PTPRJ: variants seen among roughly 807,000 people sequenced by gnomAD.
PTPRJ encodes the protein protein tyrosine phosphatase receptor type J.
PTPRJ carries 129 observed loss-of-function variants against 141.3 expected under a neutral mutation model. The ratio of observed to expected loss-of-function variants is 0.91; its 90% CI spans 0.79 to 1.06. The LOEUF is 1.06. PTPRJ is among the 50% of genes least tolerant of loss of function. The pLI, the probability that PTPRJ is intolerant of heterozygous loss-of-function variation, is 0.00. For synonymous variants in PTPRJ, 610 were observed against 640.5 expected, an observed-to-expected ratio of 0.95 and a Z score of 0.72; for missense variants, 1,601 against 1,679.7, an observed-to-expected ratio of 0.95 and a Z score of 0.82.
At chr11:48,060,115 C>G (rs1471071286) in intron 1 of PTPRJ, among the ~76,000 whole-genome samples, 1 of 152,158 alleles carries the variant, frequency 6.6e-6, no homozygotes, top group Non-Finnish European at 1.5e-5. Context: ...TAATACATCA[C>G]ACTTTCGAAA....
chr11:48,168,261 T>C lies in PTPRJ; in HGVS notation c.*899T>C, dbSNP rs955767041. The C allele has an allele frequency of 4.6e-5, 7 of 152,174 alleles. No individual in the cohort carries two copies. Among genetic ancestry groups the C allele is most frequent in the African/African-American group, 1.4e-4 (6 of 41,516 alleles). The allele number at this position is 152,174 out of a possible 1,614,324, so 9.4% of individuals were successfully genotyped here. ...GTGGCAGAAATCCTTTTCTTGTCCC[T>C]GTATTATCCTTTTTCTCATGTCTGT... On this transcript the variant is annotated 3_prime_UTR_variant, in exon 25 of 25. Coordinates refer to ENST00000418331, the MANE Select transcript of PTPRJ (RefSeq NM_002843.4).
At chr11:47,988,961 G>A (rs1474593286) in intron 1 of PTPRJ, among the ~76,000 whole-genome samples, 2 of 132,958 alleles carry the variant, frequency 1.5e-5, no homozygotes, top group African/African-American at 2.9e-5. Flanking sequence ...TGGGCTCACT[G>A]CAAGCTCCGC....
At chr11:48,023,429 G>T (rs1853712068) in intron 1 of PTPRJ, among the ~76,000 whole-genome samples, 3 of 152,144 alleles carry the variant, frequency 2.0e-5, no homozygotes, top group Admixed American at 2.0e-4. Flanking sequence ...TTCTCAGGAT[G>T]AATCTTTGGC....
At position 48,136,265 on chromosome 11, in the gene PTPRJ, G is replaced by C. The variant is rs145299506; in HGVS notation, c.1842G>C (p.Trp614Cys). 1.9e-6 allele frequency: 3 copies of C among 1,614,022 alleles called. No homozygotes were observed. The African/African-American group carries it at 4.0e-5, about 22-fold the overall frequency. ...ITISPEVDHVWGDPNSTAQYT... is the reference protein window; with the variant it reads ...ITISPEVDHVCGDPNSTAQYT... ...TCTCTCCAGAAGTGGACCACGTCTGGGGGGACCCCAACTCCACTGCACAGT... is the reference window on the plus strand; with the variant it reads ...TCTCTCCAGAAGTGGACCACGTCTGCGGGGACCCCAACTCCACTGCACAGT... Residue 614 changes from tryptophan (W) to cysteine (C), a missense_variant, in exon 9 of 25, where the codon TGG (tryptophan) becomes TGC (cysteine). By Grantham distance (215) the Trp-to-Cys change is radical. Transcript: ENST00000418331.
At chr11:48,143,331 G>A (rs1857277585) in intron 12 of PTPRJ, among the ~76,000 whole-genome samples, 1 of 152,212 alleles carries the variant, frequency 6.6e-6, no homozygotes, top group Non-Finnish European at 1.5e-5. Context: ...AGTCACAGAA[G>A]ATACAGAAGG....
chr11:47,991,516 C>G (rs1476286844), intron 1 of PTPRJ, among the ~76,000 whole-genome samples: 1 of 152,172 alleles, frequency 6.6e-6, no homozygotes, highest in Non-Finnish European at 1.5e-5. Flanking sequence ...GTTTCCACGG[C>G]AGCAAGGTGA....
intron 1 of PTPRJ, among the ~76,000 whole-genome samples, chr11:48,049,514 C>CCAAAACAAAACAAAA (rs1565276216): frequency 2.9e-4 from 37 of 127,392 alleles, no homozygotes; most frequent in African/African-American, 1.2e-3. Context: ...CCCGTCTCTA[C>CCAAAACAAAACAAAA]TAAAACAAAA....
intron 1 of PTPRJ, among the ~76,000 whole-genome samples, chr11:48,081,364 A>C (rs1855553011): frequency 6.6e-6 from 1 of 152,210 alleles, no homozygotes. Context: ...CCAGTCAGGC[A>C]GAAGGGAACT....
At chr11:48,097,229 A>G (rs1856029982) in intron 1 of PTPRJ, among the ~76,000 whole-genome samples, 1 of 152,170 alleles carries the variant, frequency 6.6e-6, no homozygotes, top group South Asian at 2.1e-4. Context: ...ATAAGCAGGA[A>G]TTAAGTGGGC....
chr11:48,102,574 T>C (rs1351068115), intron 1 of PTPRJ, among the ~76,000 whole-genome samples: 1 of 151,878 alleles, frequency 6.6e-6, no homozygotes, highest in Non-Finnish European at 1.5e-5. Flanking sequence ...AGCTAATTTT[T>C]GTATATATAT....
chr11:48,119,874 G>T (rs907413693), intron 3 of PTPRJ, among the ~76,000 whole-genome samples: 2 of 152,134 alleles, frequency 1.3e-5, no homozygotes, highest in Admixed American at 6.5e-5. Flanking sequence ...TTTACTCTTC[G>T]GTTTCTGGTT....
intron 1 of PTPRJ, among the ~76,000 whole-genome samples, chr11:48,010,956 A>G (rs1423835698): frequency 6.6e-6 from 1 of 152,216 alleles, no homozygotes; most frequent in East Asian, 1.9e-4. Context: ...CTGGGATTAC[A>G]GGTGCACTGT....
chr11:48,077,793 T>C (rs748567662), intron 1 of PTPRJ, among the ~76,000 whole-genome samples: 1 of 152,204 alleles, frequency 6.6e-6, no homozygotes, highest in African/African-American at 2.4e-5. Context: ...TTAAGGAGAC[T>C]TCTCCTGATT....
chr11:48,123,118 C>T (rs1287919511), intron 4 of PTPRJ, among the ~76,000 whole-genome samples: 1 of 152,146 alleles, frequency 6.6e-6, no homozygotes, highest in African/African-American at 2.4e-5. Flanking sequence ...TGAAAAATCC[C>T]CTTGGTGCTG....
Position 48,153,882 on chromosome 11 carries a change from GC to G in PTPRJ, c.3228del (p.Tyr1077MetfsTer44). The part of the protein sequence containing the change: ...RGKNRYNNVL[P>X]YDISRVKLSV... ...GAAAGAATCGCTATAATAATGTTCT[GC>G]CCTGTAAGTTATTTTATCTACAGCA... On this transcript the variant is annotated frameshift_variant, in exon 19 of 25. Transcript: ENST00000418331. LOFTEE classifies it high-confidence loss of function. The G allele has an allele frequency of 6.2e-7, 1 of 1,607,454 alleles. No individual in the cohort carries two copies. The highest frequency in any genetic ancestry group is 8.5e-7 in the Non-Finnish European group (1 of 1,174,038).
intron 1 of PTPRJ, among the ~76,000 whole-genome samples, chr11:48,022,972 A>T (rs1020803319): frequency 4.6e-5 from 7 of 152,110 alleles, no homozygotes; most frequent in Admixed American, 2.0e-4. Flanking sequence ...CACACGGTGC[A>T]GGATGGGACT....
At chr11:48,120,379 G>A (rs942914590) in intron 3 of PTPRJ, among the ~76,000 whole-genome samples, 15 of 152,110 alleles carry the variant, frequency 9.9e-5, no homozygotes, top group Middle Eastern at 6.3e-3. Flanking sequence ...TCTGCGTCAT[G>A]CAGCGTTTTC....
rs941288488 is a variant in PTPRJ, at chr11:48,170,142, C to T, written c.*2780C>T. 6.6e-6 allele frequency: 1 copy of T among 152,090 alleles called. No homozygotes were observed. Among genetic ancestry groups the T allele is most frequent in the Admixed American group, 6.5e-5 (1 of 15,270 alleles). 9.4% of individuals were successfully genotyped at this position (152,090 alleles called of 1,614,324 possible). On this transcript the variant is annotated 3_prime_UTR_variant, in exon 25 of 25. Coordinates refer to ENST00000418331, the MANE Select transcript of PTPRJ (RefSeq NM_002843.4). ...GTGAGCACCCCTGTTCAGTCTTTGA[C>T]AATTGCATACAGAAAAGCAGCTGGT... is the stretch of plus-strand genomic sequence containing the variant.
chr11:47,993,547 C>T (rs1297719061), intron 1 of PTPRJ, among the ~76,000 whole-genome samples: 1 of 152,026 alleles, frequency 6.6e-6, no homozygotes, highest in African/African-American at 2.4e-5. Flanking sequence ...CCCATCTTGG[C>T]CTCCCAAAGT....
Sources: allele counts gnomAD v4.1 joint callset (sites outside exome capture counted in the v4.1 genomes callset), GRCh38; gene constraint gnomAD v4.1.1; transcripts MANE v1.5; gene names NCBI Gene and HGNC (gene_info 2026-07-23, HGNC 2026-07-21).